ACVR1: variants seen among roughly 807,000 people sequenced by gnomAD.
ACVR1 encodes activin receptor type-1.
Under a neutral mutation model 57.1 loss-of-function variants are expected in ACVR1, and 38 were observed. That is an observed-to-expected ratio of 0.67 (90% confidence interval 0.51 to 0.87). The LOEUF (loss-of-function observed/expected upper bound fraction) is 0.87, where lower values mean the gene tolerates loss of function less well. Among genes scored for constraint, ACVR1 ranks in the 40% least tolerant of loss-of-function variants. The pLI is 0.00. For missense variants in ACVR1, 463 were observed against 638.2 expected, an observed-to-expected ratio of 0.73 and a Z score of 2.96; for synonymous variants, 212 against 228.1, an observed-to-expected ratio of 0.93 and a Z score of 0.63.
chr2:157,840,817 C>T (rs1313663899), intron 1 of ACVR1, among the ~76,000 whole-genome samples: 2 of 152,258 alleles, frequency 1.3e-5, no homozygotes, highest in African/African-American at 2.4e-5. Flanking sequence ...AAGGCGATCA[C>T]GCGCCACATC....
In ACVR1 at chr2:157,793,906, G is replaced by C. The variant is rs373602362; in HGVS notation, c.67+5521C>G. On this transcript the variant is annotated intron_variant, in intron 3 of 10. Coordinates refer to ENST00000434821, the MANE Select transcript of ACVR1 (RefSeq NM_001111067.4). ...GGGCTGGAAAGTCTGAGTAGTGATG[G>C]CTTTGTAAATACTAAAATCAAGATA... 6.8e-4 allele frequency among the ~76,000 whole-genome samples: 104 copies of C among 152,228 alleles called. 1 individual carries two copies. The South Asian group carries it at 0.02, about 29-fold the overall frequency.
At chr2:157,854,763 C>T (rs963412818) in intron 1 of ACVR1, among the ~76,000 whole-genome samples, 8 of 148,058 alleles carry the variant, frequency 5.4e-5, no homozygotes, top group Non-Finnish European at 5.9e-5. Context: ...AGGCCGGGTG[C>T]GACCGATGGC....
chr2:157,853,853 A>G (rs887047505), intron 1 of ACVR1, among the ~76,000 whole-genome samples: 3 of 152,330 alleles, frequency 2.0e-5, no homozygotes, highest in South Asian at 4.1e-4. Context: ...TCCCTATGCT[A>G]AAATGCCCTT....
chr2:157,863,707 A>G (rs1689816127), intron 1 of ACVR1, among the ~76,000 whole-genome samples: 1 of 151,898 alleles, frequency 6.6e-6, no homozygotes, highest in East Asian at 1.9e-4. Context: ...AAGAAAAAAA[A>G]TAAAAAGAGA....
At chr2:157,863,251 G>GATCTGGCC (rs923375910) in intron 1 of ACVR1, among the ~76,000 whole-genome samples, 2 of 146,406 alleles carry the variant, frequency 1.4e-5, no homozygotes, top group Non-Finnish European at 3.0e-5. Context: ...GACCTCAGGT[G>GATCTGGCC]ATCTGGCCTC....
chr2:157,802,232 CAGAT>C (rs1416836725), intron 2 of ACVR1, among the ~76,000 whole-genome samples: 1 of 151,898 alleles, frequency 6.6e-6, no homozygotes, highest in African/African-American at 2.4e-5. Flanking sequence ...ATACAGGACA[CAGAT>C]AGGGTAATAT....
chr2:157,738,318 G>T (rs1388273739), intron 10 of ACVR1, 122 bp downstream of exon 10: 1 of 1,432,898 alleles, frequency 7.0e-7, no homozygotes, highest in African/African-American at 1.4e-5. Flanking sequence ...ATATAAAATA[G>T]GAAGAGAAAA....
chr2:157,865,578 G>A (rs1689886803), intron 1 of ACVR1, among the ~76,000 whole-genome samples: 2 of 152,042 alleles, frequency 1.3e-5, no homozygotes, highest in Non-Finnish European at 1.5e-5. Context: ...GATCACCTGA[G>A]GTCGGGAGTT....
chr2:157,758,333 T>C (rs966842063), intron 9 of ACVR1, among the ~76,000 whole-genome samples: 4 of 151,972 alleles, frequency 2.6e-5, no homozygotes, highest in Admixed American at 2.0e-4. Context: ...CCACAGTTCG[T>C]CCTGTGAAAC....
At chr2:157,754,929 T>C (rs1374914013) in intron 9 of ACVR1, among the ~76,000 whole-genome samples, 1 of 152,186 alleles carries the variant, frequency 6.6e-6, no homozygotes, top group African/African-American at 2.4e-5. Context: ...GTGGGTTTCA[T>C]ACCAGGGATG....
At chr2:157,741,070 G>A (rs1016232638) in intron 9 of ACVR1, among the ~76,000 whole-genome samples, 1 of 152,164 alleles carries the variant, frequency 6.6e-6, no homozygotes, top group Admixed American at 6.5e-5. Flanking sequence ...AATGCTGAGA[G>A]TGATAAAAAT....
intron 2 of ACVR1, among the ~76,000 whole-genome samples, chr2:157,807,494 T>C (rs182869917): frequency 1.8e-3 from 270 of 152,208 alleles, no homozygotes; most frequent in Non-Finnish European, 3.0e-3. Context: ...CTCCCTGCTA[T>C]TTTGCTACAT....
At chr2:157,801,199 C>T (rs1483356165) in intron 2 of ACVR1, among the ~76,000 whole-genome samples, 1 of 152,172 alleles carries the variant, frequency 6.6e-6, no homozygotes, top group Non-Finnish European at 1.5e-5. Context: ...TATCTCAGTT[C>T]TCTATGACAG....
intron 3 of ACVR1, 54 bp downstream of exon 3, chr2:157,799,371 CAA>C (rs3030646): frequency 4.5e-6 from 5 of 1,107,862 alleles, no homozygotes; most frequent in Admixed American, 1.9e-5. Flanking sequence ...TATAGTAAGC[CAA>C]AAAAAAAAAT....
chr2:157,757,786 C>T (rs1026023689), intron 9 of ACVR1, among the ~76,000 whole-genome samples: 1 of 151,192 alleles, frequency 6.6e-6, no homozygotes, highest in African/African-American at 2.4e-5. Context: ...TATGCCATCA[C>T]AAAAAGACAT....
intron 1 of ACVR1, among the ~76,000 whole-genome samples, chr2:157,863,338 T>C (rs112815150): frequency 0.023 from 1,396 of 61,976 alleles, 26 homozygotes; most frequent in African/African-American, 0.083. Flanking sequence ...TTGTTTCTCT[T>C]TTTTTTTTTT....
chr2:157,875,438 G>A lies in ACVR1; in HGVS notation c.-183+358C>T, dbSNP rs572336829. 366 of 153,558 alleles carry A rather than the reference G, an allele frequency of 2.4e-3. 1 individual carries two copies. Among genetic ancestry groups the A allele is most frequent in the Non-Finnish European group, 4.3e-3 (294 of 68,630 alleles). 9.5% of individuals were successfully genotyped at this position (153,558 alleles called of 1,614,324 possible). On this transcript the variant is annotated intron_variant, in intron 1 of 10. Transcript: ENST00000434821. ...CTAGGAAGGTAAGCCCCGTGGCCCC[G>A]CGGCCAGATCGATTTACAAGTCAGA... is the stretch of plus-strand genomic sequence containing the variant.
At chr2:157,802,376 C>T (rs1007515239) in intron 2 of ACVR1, among the ~76,000 whole-genome samples, 6 of 152,104 alleles carry the variant, frequency 3.9e-5, no homozygotes, top group African/African-American at 1.4e-4. Context: ...CTGGAAGAGT[C>T]ACAAAGAGTC....
At chr2:157,770,133 T>C (rs1686018716) in intron 7 of ACVR1, among the ~76,000 whole-genome samples, 1 of 152,200 alleles carries the variant, frequency 6.6e-6, no homozygotes. Flanking sequence ...GATGTAGGAA[T>C]AAGAATTAGC....
Sources: gnomAD v4.1 joint callset for allele counts (sites outside exome capture counted in the v4.1 genomes callset) on GRCh38, gnomAD v4.1.1 for gene constraint, MANE v1.5 for transcripts, NCBI Gene and HGNC (gene_info 2026-07-23, HGNC 2026-07-21) for gene names.